The following DIAPH3 variants were observed in gnomAD, a reference collection of about 807,000 sequenced individuals.
The protein encoded by DIAPH3 is protein diaphanous homolog 3.
Under a neutral mutation model 144.3 loss-of-function variants are expected in DIAPH3, and 117 were observed. The ratio of observed to expected loss-of-function variants is 0.81; its 90% CI spans 0.70 to 0.95. DIAPH3 has a LOEUF of 0.95. Among genes scored for constraint, DIAPH3 ranks in the 40% least tolerant of loss-of-function variants. The pLI, the probability that DIAPH3 is intolerant of heterozygous loss-of-function variation, is 0.00. For missense variants in DIAPH3, 1,421 were observed against 1,412.7 expected (o/e 1.01, Z -0.09); for synonymous variants, 519 against 488.9 (o/e 1.06, Z -0.81).
intron 22 of DIAPH3, among the ~76,000 whole-genome samples, chr13:59,857,601 C>T (rs150267176): frequency 2.0e-5 from 3 of 152,250 alleles, no homozygotes; most frequent in African/African-American, 7.2e-5. Flanking sequence ...CTTCTAGAAG[C>T]TTAAATCTAT....
intron 21 of DIAPH3, among the ~76,000 whole-genome samples, chr13:59,870,858 C>A (rs553210576): frequency 2.0e-5 from 3 of 151,700 alleles, no homozygotes; most frequent in African/African-American, 7.3e-5. Flanking sequence ...TTAGTAGAGA[C>A]GGGGTTTCTC....
intron 27 of DIAPH3, among the ~76,000 whole-genome samples, chr13:59,729,795 G>T (rs534858823): frequency 7.3e-6 from 1 of 136,414 alleles, no homozygotes; most frequent in African/African-American, 2.9e-5. Flanking sequence ...TGTGACTTCC[G>T]GTGAATACAT....
intron 16 of DIAPH3, among the ~76,000 whole-genome samples, 174 bp downstream of exon 16, chr13:59,970,678 A>T (rs1241446101): frequency 6.6e-6 from 1 of 152,102 alleles, no homozygotes; most frequent in East Asian, 1.9e-4. Context: ...TTGTCCCAAT[A>T]CTTTAAAAAA....
At chr13:59,804,259 T>C (rs555442009) in intron 25 of DIAPH3, among the ~76,000 whole-genome samples, 1 of 152,282 alleles carries the variant, frequency 6.6e-6, no homozygotes, top group South Asian at 2.1e-4. Context: ...ACTGACCCTC[T>C]CACACATTTC....
chr13:59,751,584 G>C (rs7990087), intron 27 of DIAPH3, among the ~76,000 whole-genome samples: 52,295 of 152,024 alleles, frequency 0.34, 9,441 homozygotes, highest in African/African-American at 0.45. Flanking sequence ...AAAAAGTTAA[G>C]TTGCTTCATT....
At chr13:59,807,569 A>G (rs2040259505) in intron 25 of DIAPH3, among the ~76,000 whole-genome samples, 1 of 151,952 alleles carries the variant, frequency 6.6e-6, no homozygotes, top group Non-Finnish European at 1.5e-5. Context: ...AATCTAAGTT[A>G]CTCAGACTAT....
intron 27 of DIAPH3, among the ~76,000 whole-genome samples, chr13:59,678,544 C>A (rs2032766619): frequency 6.6e-6 from 1 of 152,168 alleles, no homozygotes; most frequent in South Asian, 2.1e-4. Flanking sequence ...TCCCTGAATT[C>A]TTCCCTTGCT....
At chr13:59,972,458 T>C (rs2050440658) in intron 15 of DIAPH3, among the ~76,000 whole-genome samples, 1 of 152,204 alleles carries the variant, frequency 6.6e-6, no homozygotes, top group Admixed American at 6.5e-5. Flanking sequence ...ATTTAATAAA[T>C]GTTACATAAT....
intron 20 of DIAPH3, among the ~76,000 whole-genome samples, chr13:59,895,435 A>T (rs1009268006): frequency 2.1e-5 from 3 of 145,794 alleles, no homozygotes; most frequent in Non-Finnish European, 4.4e-5. Flanking sequence ...TAAAGGAAAA[A>T]AAAAAAAACA....
At chr13:59,853,682 A>C (rs879520002) in intron 22 of DIAPH3, among the ~76,000 whole-genome samples, 1 of 152,172 alleles carries the variant, frequency 6.6e-6, no homozygotes, top group Non-Finnish European at 1.5e-5. Flanking sequence ...AGCTCTTTGT[A>C]ACTATGCAAA....
At chr13:59,940,296 A>G (rs1476217433) in intron 17 of DIAPH3, among the ~76,000 whole-genome samples, 1 of 152,184 alleles carries the variant, frequency 6.6e-6, no homozygotes, top group African/African-American at 2.4e-5. Context: ...CATCTTAGTG[A>G]AGAAGAATCT....
chr13:59,764,385 T>C lies in DIAPH3; in HGVS notation c.3319+9804A>G, dbSNP rs145236549. ...TATGGCTCACTAGTTCTGTCAGCGG[T>C]TCCTGGCACCAATAATTCCTGAGCC... is the stretch of plus-strand genomic sequence containing the variant. On this transcript the variant is annotated intron_variant, in intron 27 of 27. Transcript: ENST00000400324. 1.3e-3 allele frequency among the ~76,000 whole-genome samples: 203 copies of C among 151,688 alleles called. 1 individual carries two copies. Among genetic ancestry groups the C allele is most frequent in the African/African-American group, 4.7e-3 (195 of 41,348 alleles).
intron 17 of DIAPH3, among the ~76,000 whole-genome samples, chr13:59,943,468 T>C (rs926167866): frequency 6.6e-6 from 1 of 152,192 alleles, no homozygotes; most frequent in Admixed American, 6.6e-5. Context: ...GTAATAGCTC[T>C]CAATATGGAG....
At chr13:60,032,440 G>A (rs934098624) in intron 5 of DIAPH3, among the ~76,000 whole-genome samples, 6 of 152,168 alleles carry the variant, frequency 3.9e-5, no homozygotes, top group Admixed American at 6.5e-5. Flanking sequence ...AAATCTAGGC[G>A]GAGGCTACCA....
chr13:60,132,349 T>C (rs1566807977), intron 2 of DIAPH3, among the ~76,000 whole-genome samples: 1 of 152,166 alleles, frequency 6.6e-6, no homozygotes, highest in Non-Finnish European at 1.5e-5. Context: ...TACATATTTT[T>C]GGTGTCATTG....
intron 1 of DIAPH3, among the ~76,000 whole-genome samples, chr13:60,149,866 C>A (rs1478629370): frequency 6.6e-6 from 1 of 151,354 alleles, no homozygotes; most frequent in Non-Finnish European, 1.5e-5. Context: ...CTGATACTTT[C>A]TTTCATGTTA....
rs143051470 is a variant in DIAPH3 at position 59,935,604 on chromosome 13, G to A, written c.2075-10734C>T. 4.1e-4 allele frequency among the ~76,000 whole-genome samples: 62 copies of A among 152,278 alleles called. 1 individual carries two copies. In the East Asian group the frequency reaches 9.5e-3, roughly 23 times the overall value. ...TGTTTTTATGAGATGGCAATAGACC[G>A]TTGGGAAAATATCGAAGTAAATGCT... On this transcript the variant is annotated intron_variant, in intron 17 of 27. Coordinates refer to ENST00000400324, the MANE Select transcript of DIAPH3 (RefSeq NM_001042517.2).
chr13:59,745,213 A>G (rs2036641853), intron 27 of DIAPH3, among the ~76,000 whole-genome samples: 1 of 152,198 alleles, frequency 6.6e-6, no homozygotes, highest in Non-Finnish European at 1.5e-5. Flanking sequence ...AAGAGAAGGC[A>G]AAAGAGAAGG....
At chr13:59,776,149 T>C (rs2038402801) in intron 25 of DIAPH3, among the ~76,000 whole-genome samples, 1 of 152,194 alleles carries the variant, frequency 6.6e-6, no homozygotes, top group African/African-American at 2.4e-5. Context: ...TTTACAGAGA[T>C]AAGATGAAAA....
Sources: allele counts gnomAD v4.1 joint callset (sites outside exome capture counted in the v4.1 genomes callset), GRCh38; gene constraint gnomAD v4.1.1; transcripts MANE v1.5; gene names NCBI Gene and HGNC (gene_info 2026-07-23, HGNC 2026-07-21).